CACNA2D3: variants seen among roughly 807,000 people sequenced by gnomAD.
The protein encoded by CACNA2D3 is voltage-dependent calcium channel subunit alpha-2/delta-3.
CACNA2D3 carries 60 observed loss-of-function variants against 160.6 expected under a neutral mutation model. That is an observed-to-expected ratio of 0.37 (90% CI 0.30 to 0.46). The LOEUF is 0.46. CACNA2D3 is among the 20% of genes least tolerant of loss of function. The pLI, the probability that CACNA2D3 is intolerant of heterozygous loss-of-function variation, is 1.00. For synonymous variants in CACNA2D3, 558 were observed against 492.9 expected, an observed-to-expected ratio of 1.13 and a Z score of -1.75; for missense variants, 1,205 against 1,365.0, an observed-to-expected ratio of 0.88 and a Z score of 1.85.
intron 11 of CACNA2D3, among the ~76,000 whole-genome samples, chr3:54,651,249 A>G (rs576730660): frequency 2.0e-4 from 31 of 152,162 alleles, no homozygotes; most frequent in African/African-American, 6.0e-4. Flanking sequence ...TTGATCTTAG[A>G]TTAGAACCCA....
intron 35 of CACNA2D3, among the ~76,000 whole-genome samples, chr3:55,067,440 A>G (rs1704684662): frequency 6.6e-6 from 1 of 152,136 alleles, no homozygotes; most frequent in East Asian, 1.9e-4. Context: ...AATGGGCATA[A>G]TTTTATCTTA....
chr3:54,227,300 C>T lies in CACNA2D3; in HGVS notation c.205-93142C>T, dbSNP rs79685776. ...CGGGATTTTGCTATGTGCTAGGCCCCTTTTTGTGCGCTTCCTGGGGATAAG... is the reference window on the plus strand; with the variant it reads ...CGGGATTTTGCTATGTGCTAGGCCCTTTTTTGTGCGCTTCCTGGGGATAAG... On this transcript the variant is annotated intron_variant, in intron 2 of 37. Transcript: ENST00000474759. Among the ~76,000 whole-genome samples the T allele has an allele frequency of 5.5e-3, 843 of 152,106 alleles. 29 individuals are homozygous for T. In the East Asian group the frequency reaches 0.11, roughly 19 times the overall value.
chr3:54,483,313 G>T (rs984899946), intron 4 of CACNA2D3, among the ~76,000 whole-genome samples: 7 of 152,074 alleles, frequency 4.6e-5, no homozygotes, highest in Non-Finnish European at 2.9e-5. Flanking sequence ...GACCCTAAAG[G>T]CTTCTAAAGC....
At chr3:54,640,859 C>T (rs1476940947) in intron 10 of CACNA2D3, among the ~76,000 whole-genome samples, 1 of 152,158 alleles carries the variant, frequency 6.6e-6, no homozygotes, top group African/African-American at 2.4e-5. Flanking sequence ...GATATTGTCT[C>T]TCAAGTAGCC....
intron 2 of CACNA2D3, among the ~76,000 whole-genome samples, chr3:54,131,993 A>C (rs1451015993): frequency 1.3e-5 from 2 of 152,232 alleles, no homozygotes; most frequent in African/African-American, 2.4e-5. Flanking sequence ...AAAGAACAAT[A>C]GATGTGGGAG....
intron 17 of CACNA2D3, among the ~76,000 whole-genome samples, chr3:54,865,092 C>G (rs1179021550): frequency 3.3e-5 from 5 of 152,188 alleles, no homozygotes; most frequent in Non-Finnish European, 2.9e-5. Context: ...TCTAAAGGCA[C>G]TCACTTGGAA....
intron 2 of CACNA2D3, among the ~76,000 whole-genome samples, chr3:54,205,475 T>C (rs547253095): frequency 6.6e-6 from 1 of 152,344 alleles, no homozygotes; most frequent in South Asian, 2.1e-4. Context: ...GCCTACTCCC[T>C]GGCTTAGCAA....
At chr3:54,185,553 C>T (rs912191576) in intron 2 of CACNA2D3, among the ~76,000 whole-genome samples, 9 of 152,178 alleles carry the variant, frequency 5.9e-5, no homozygotes, top group Non-Finnish European at 1.3e-4. Context: ...TGTTTATTCA[C>T]GAACATATTA....
chr3:54,918,343 T>TC, intron 27 of CACNA2D3: 1 of 381,346 alleles, frequency 2.6e-6, no homozygotes, highest in East Asian at 5.4e-5. Context: ...TTTTTTTTTT[T>TC]TTTTTTTTTT....
At chr3:54,671,564 C>T (rs997727530) in intron 11 of CACNA2D3, among the ~76,000 whole-genome samples, 5 of 152,148 alleles carry the variant, frequency 3.3e-5, no homozygotes, top group African/African-American at 9.7e-5. Context: ...CAGCTACCCT[C>T]CTATTTATAT....
At chr3:54,803,365 AGGAGCTGAT>A (rs769992403) in intron 13 of CACNA2D3, among the ~76,000 whole-genome samples, 5 of 152,232 alleles carry the variant, frequency 3.3e-5, no homozygotes, top group Non-Finnish European at 4.4e-5. Flanking sequence ...AAGTGCTTAA[AGGAGCTGAT>A]GGAGCTGAAA....
chr3:54,387,658 A>G (rs200049080), intron 4 of CACNA2D3, among the ~76,000 whole-genome samples: 4 of 151,268 alleles, frequency 2.6e-5, no homozygotes, highest in Non-Finnish European at 2.9e-5. Context: ...TCTCAAATAA[A>G]TAAGTAAGTA....
intron 2 of CACNA2D3, among the ~76,000 whole-genome samples, chr3:54,218,266 G>A (rs1423295716): frequency 6.6e-6 from 1 of 152,174 alleles, no homozygotes; most frequent in African/African-American, 2.4e-5. Flanking sequence ...TGTGGATAAG[G>A]GTGGCGTGCA....
intron 27 of CACNA2D3, among the ~76,000 whole-genome samples, chr3:54,936,487 T>C (rs1701332774): frequency 6.6e-6 from 1 of 152,188 alleles, no homozygotes; most frequent in Non-Finnish European, 1.5e-5. Context: ...ACCACTTTCA[T>C]GTGGGATGTT....
intron 4 of CACNA2D3, among the ~76,000 whole-genome samples, chr3:54,498,208 C>T (rs1025396221): frequency 2.6e-5 from 4 of 151,500 alleles, no homozygotes; most frequent in Non-Finnish European, 5.9e-5. Flanking sequence ...GCATATGAAC[C>T]TAGAGTTGTT....
intron 2 of CACNA2D3, among the ~76,000 whole-genome samples, chr3:54,291,261 C>G (rs1358615763): frequency 6.6e-6 from 1 of 152,184 alleles, no homozygotes; most frequent in African/African-American, 2.4e-5. Flanking sequence ...AAATTCGTGT[C>G]TCCACCATCA....
intron 11 of CACNA2D3, among the ~76,000 whole-genome samples, chr3:54,653,742 C>G (rs979472536): frequency 6.6e-6 from 1 of 152,318 alleles, no homozygotes; most frequent in African/African-American, 2.4e-5. Context: ...CAGGGGCCCA[C>G]GACAGATGCA....
intron 4 of CACNA2D3, among the ~76,000 whole-genome samples, chr3:54,454,920 G>A (rs948519380): frequency 2.6e-5 from 4 of 151,902 alleles, no homozygotes; most frequent in African/African-American, 4.8e-5. Flanking sequence ...AGCAAGTGAC[G>A]GAATTTCTTT....
intron 4 of CACNA2D3, among the ~76,000 whole-genome samples, chr3:54,401,051 A>G (rs530146793): frequency 1.3e-5 from 2 of 152,314 alleles, no homozygotes; most frequent in African/African-American, 4.8e-5. Flanking sequence ...ATATCATTAA[A>G]AAGAACCAAA....
Sources: gnomAD v4.1 joint callset for allele counts (sites outside exome capture counted in the v4.1 genomes callset) on GRCh38, gnomAD v4.1.1 for gene constraint, MANE v1.5 for transcripts, NCBI Gene and HGNC (gene_info 2026-07-23, HGNC 2026-07-21) for gene names.